The following KYAT3 variants were observed in gnomAD, a reference collection of about 807,000 sequenced individuals.
KYAT3 encodes kynurenine aminotransferase 3, also known as kynurenine--oxoglutarate transaminase 3.
A neutral mutation model predicts 59.0 loss-of-function variants in KYAT3; 50 were observed. That is an observed-to-expected ratio of 0.85 (90% CI 0.68 to 1.07). KYAT3 has a LOEUF of 1.07. Among genes scored for constraint, KYAT3 ranks in the 50% least tolerant of loss-of-function variants. The pLI, the probability that KYAT3 is intolerant of heterozygous loss-of-function variation, is 0.00. For synonymous variants in KYAT3, 148 were observed against 177.0 expected, an observed-to-expected ratio of 0.84 and a Z score of 1.30; for missense variants, 497 against 533.3, an observed-to-expected ratio of 0.93 and a Z score of 0.67.
intron 8 of KYAT3, among the ~76,000 whole-genome samples, 170 bp downstream of exon 8, chr1:88,960,997 T>G (rs6672609): frequency 0.032 from 4,804 of 152,308 alleles, 223 homozygotes; most frequent in African/African-American, 0.11. Context: ...CTTTGAACTA[T>G]TCATCAATTC....
At chr1:88,991,684 C>T (rs1677803170) in intron 1 of KYAT3, among the ~76,000 whole-genome samples, 1 of 152,180 alleles carries the variant, frequency 6.6e-6, no homozygotes, top group South Asian at 2.1e-4. Flanking sequence ...TGCTGAAAAA[C>T]TGTTCTATGA....
downstream of KYAT3, among the ~76,000 whole-genome samples, chr1:88,932,897 G>A (rs924931189): frequency 2.6e-5 from 4 of 152,118 alleles, no homozygotes; most frequent in African/African-American, 9.7e-5. Context: ...TTACTTCTCT[G>A]ATGTAATACC....
chr1:88,978,890 C>A (rs920604372), intron 2 of KYAT3, among the ~76,000 whole-genome samples: 1 of 151,034 alleles, frequency 6.6e-6, no homozygotes, highest in African/African-American at 2.4e-5. Flanking sequence ...CCTGGCTTCA[C>A]ACAATCCTCT....
In KYAT3 at chr1:88,948,315, CTA is replaced by C. The variant is rs1675530477; in HGVS notation, c.1141+774_1141+775del. On this transcript the variant is annotated intron_variant, in intron 11 of 13. Coordinates refer to ENST00000260508, the MANE Select transcript of KYAT3 (RefSeq NM_001008661.3). ...TAATAAAATTTTAAAACATTTAAAA[CTA>C]TATTTAGAATGGCTGTAATTTCTGT... Among the ~76,000 whole-genome samples, 3 of 152,210 alleles carry C rather than the reference CTA, an allele frequency of 2.0e-5. No homozygotes were observed. In the South Asian group the frequency reaches 6.2e-4, roughly 32 times the overall value.
chr1:88,976,525 TATG>T (rs1676796198), intron 2 of KYAT3, among the ~76,000 whole-genome samples: 1 of 152,240 alleles, frequency 6.6e-6, no homozygotes, highest in Non-Finnish European at 1.5e-5. Flanking sequence ...TAGTACTTGA[TATG>T]ATAACAAGCA....
At chr1:88,968,543 T>C (rs1196357987) in intron 4 of KYAT3, 127 bp downstream of exon 4, 13 of 682,348 alleles carry the variant, frequency 1.9e-5, no homozygotes. Flanking sequence ...CTGTGGTTGC[T>C]AGGATGGGAC....
intron 6 of KYAT3, 116 bp downstream of exon 6, chr1:88,961,943 A>G: frequency 2.7e-6 from 2 of 730,976 alleles, no homozygotes; most frequent in East Asian, 5.3e-5. Flanking sequence ...ATAGAGATAT[A>G]CAGGAAATCT....
At chr1:88,941,533 T>TA (rs911444854) in intron 13 of KYAT3, among the ~76,000 whole-genome samples, 2 of 149,464 alleles carry the variant, frequency 1.3e-5, no homozygotes, top group Non-Finnish European at 3.0e-5. Flanking sequence ...AGGCTGTTAT[T>TA]TTTTTTTTTT....
chr1:88,936,021 C>T lies in KYAT3; in HGVS notation c.*162G>A, dbSNP rs1461019098. On this transcript the variant is annotated 3_prime_UTR_variant, in exon 14 of 14. Transcript: ENST00000260508. Reference sequence around the variant, plus strand: ...ACTGGAAAAAAAAGGTCAGATCCCCCGAAAATGTTGTTAGGAGTTGGGTTA... The same window carrying T: ...ACTGGAAAAAAAAGGTCAGATCCCCTGAAAATGTTGTTAGGAGTTGGGTTA... 6 of 518,690 alleles carry T rather than the reference C, an allele frequency of 1.2e-5. No individual in the cohort carries two copies. Among genetic ancestry groups the T allele is most frequent in the Admixed American group, 3.2e-5 (1 of 30,936 alleles). 32.1% of individuals were successfully genotyped at this position (518,690 alleles called of 1,614,324 possible). A position where few individuals can be genotyped will look rare whatever the true frequency, so the allele number is the denominator to read the frequency against.
chr1:88,990,199 C>T (rs941396715), intron 1 of KYAT3, among the ~76,000 whole-genome samples: 1 of 152,080 alleles, frequency 6.6e-6, no homozygotes, highest in Non-Finnish European at 1.5e-5. Flanking sequence ...ATTCCCTCTA[C>T]GGATACCTTG....
At chr1:88,972,834 G>A (rs1676603219) in intron 2 of KYAT3, among the ~76,000 whole-genome samples, 1 of 152,202 alleles carries the variant, frequency 6.6e-6, no homozygotes, top group Non-Finnish European at 1.5e-5. Flanking sequence ...TGTCCAGCAG[G>A]GAACAGCAGC....
chr1:88,945,946 T>C (rs2101022071), intron 11 of KYAT3, among the ~76,000 whole-genome samples: 1 of 152,300 alleles, frequency 6.6e-6, no homozygotes, highest in South Asian at 2.1e-4. Flanking sequence ...ACCAAAATCC[T>C]TTTTGCTCCT....
rs994077172 is a variant in KYAT3 at position 88,962,044 on chromosome 1, T to C, written c.540+15A>G. On this transcript the variant is annotated intron_variant, in intron 6 of 13. Transcript: ENST00000260508. Reference sequence around the variant, plus strand: ...TCTTGAAACTTTGCCATATGAACCATACTGGCAAACTTACAGATCTCAGGG... The same window carrying C: ...TCTTGAAACTTTGCCATATGAACCACACTGGCAAACTTACAGATCTCAGGG... 1.9e-6 allele frequency: 3 copies of C among 1,593,306 alleles called. No homozygotes were observed. Among genetic ancestry groups the C allele is most frequent in the African/African-American group, 2.7e-5 (2 of 74,460 alleles).
chr1:88,951,224 T>C (rs1675657248), intron 10 of KYAT3, among the ~76,000 whole-genome samples: 2 of 152,092 alleles, frequency 1.3e-5, no homozygotes, highest in African/African-American at 4.8e-5. Flanking sequence ...TCAACATCTT[T>C]TTTTTCTTTC....
intron 2 of KYAT3, chr1:88,983,878 AAG>A: frequency 8.0e-7 from 1 of 1,244,576 alleles, no homozygotes; most frequent in Middle Eastern, 2.0e-4. Context: ...AAGCTCCAAC[AAG>A]CTCGCCGACA....
chr1:88,965,094 A>G, intron 4 of KYAT3, 116 bp from the exon 5 acceptor site: 1 of 729,116 alleles, frequency 1.4e-6, no homozygotes, highest in Admixed American at 3.5e-5. Flanking sequence ...GTTTATAATT[A>G]CCCCAAGAAA....
At chr1:88,983,607 A>C in intron 2 of KYAT3, 2 of 1,614,104 alleles carry the variant, frequency 1.2e-6, no homozygotes, top group Non-Finnish European at 1.7e-6. Flanking sequence ...TTTCCATCTA[A>C]TGACTTTCCA....
At chr1:88,964,712 A>G (rs1676272776) in intron 5 of KYAT3, 117 bp downstream of exon 5, 2 of 821,732 alleles carry the variant, frequency 2.4e-6, no homozygotes. Flanking sequence ...CATGCATTAT[A>G]CTTAAAACAT....
the KYAT3 span, among the ~76,000 whole-genome samples, chr1:88,924,062 A>G: frequency 6.6e-6 from 1 of 152,234 alleles, no homozygotes; most frequent in Non-Finnish European, 1.5e-5. Flanking sequence ...AGCCACCCAG[A>G]TCCCCTAGGG....
Sources: gnomAD v4.1 joint callset for allele counts (sites outside exome capture counted in the v4.1 genomes callset) on GRCh38, gnomAD v4.1.1 for gene constraint, MANE v1.5 for transcripts, NCBI Gene and HGNC (gene_info 2026-07-23, HGNC 2026-07-21) for gene names.